Variants in SLC26A5 observed in about 807,000 individuals in gnomAD.
SLC26A5 encodes the protein prestin.
Under a neutral mutation model 81.0 loss-of-function variants are expected in SLC26A5, and 51 were observed. That is an observed-to-expected ratio of 0.63 (90% CI 0.50 to 0.80). The LOEUF (loss-of-function observed/expected upper bound fraction) is 0.80. SLC26A5 is among the 30% of genes least tolerant of loss of function. The probability of loss-of-function intolerance (pLI) is 0.00; values close to 1 mark genes in which losing one functional copy is unlikely to be tolerated. For synonymous variants in SLC26A5, 325 were observed against 332.8 expected (o/e 0.98, Z 0.25); for missense variants, 771 against 905.8 (o/e 0.85, Z 1.91).
intron 19 of SLC26A5, among the ~76,000 whole-genome samples, chr7:103,364,981 A>ATATATATATATATATATATATATTTATT (rs950613120): frequency 1.2e-3 from 171 of 140,676 alleles, no homozygotes; most frequent in African/African-American, 4.3e-3. Context: ...ATATATATAT[A>ATATATATATATATATATATATATTTATT]TATTTAGAGA....
intron 9 of SLC26A5, among the ~76,000 whole-genome samples, chr7:103,396,994 C>G (rs1457175174): frequency 6.6e-6 from 1 of 151,138 alleles, no homozygotes; most frequent in Admixed American, 6.6e-5. Context: ...ACTCAGGAGG[C>G]TCAGGCAGGA....
chr7:103,392,836 C>T (rs1315712225), intron 10 of SLC26A5, 83 bp downstream of exon 10: 15 of 1,573,550 alleles, frequency 9.5e-6, no homozygotes, highest in Admixed American at 3.4e-5. Flanking sequence ...CTTGGCCTCC[C>T]GAAGTGCTGG....
At position 103,355,668 on chromosome 7, in the gene SLC26A5, A is replaced by G. The variant is rs1372101000; in HGVS notation, c.2042-2742T>C. 3.2e-6 allele frequency: 5 copies of G among 1,559,064 alleles called. No homozygotes were observed. The East Asian group carries it at 1.1e-4, about 35-fold the overall frequency. ...ATAGGGTGATGCATTACATTTTAGT[A>G]AATTTTGTCATCTTTCTCTATGTAG... On this transcript the variant is annotated intron_variant, in intron 19 of 19. Coordinates refer to the SLC26A5 transcript ENST00000339444.
chr7:103,371,481 C>T (rs1280440801), downstream of SLC26A5, among the ~76,000 whole-genome samples: 11 of 150,234 alleles, frequency 7.3e-5, no homozygotes, highest in South Asian at 2.1e-4. Flanking sequence ...CCCGCCACTA[C>T]GCCCGGCTAA....
chr7:103,395,666 A>G (rs748601013), intron 9 of SLC26A5, among the ~76,000 whole-genome samples: 49 of 150,914 alleles, frequency 3.2e-4, no homozygotes, highest in Non-Finnish European at 6.1e-4. Flanking sequence ...GATTACAGGC[A>G]CCCGCCACCA....
intron 18 of SLC26A5, 53 bp downstream of exon 18, chr7:103,377,545 TA>T: frequency 6.7e-7 from 1 of 1,493,534 alleles, no homozygotes. Flanking sequence ...ATTATGCTGA[TA>T]GTACGACACC....
intron 2 of SLC26A5, among the ~76,000 whole-genome samples, chr7:103,431,372 G>T (rs1467178535): frequency 6.6e-6 from 1 of 151,482 alleles, no homozygotes; most frequent in Non-Finnish European, 1.5e-5. Context: ...ACCCAGGCTG[G>T]AGTGCAGTGG....
chr7:103,401,417 C>G (rs752326918), intron 8 of SLC26A5, among the ~76,000 whole-genome samples: 13 of 152,100 alleles, frequency 8.5e-5, no homozygotes, highest in Non-Finnish European at 1.3e-4. Context: ...GATTTTGTAT[C>G]CCGATACTTT....
At chr7:103,377,904 G>T in intron 17 of SLC26A5, 105 bp from the exon 18 acceptor site, 1 of 983,790 alleles carries the variant, frequency 1.0e-6, no homozygotes, top group South Asian at 1.3e-5. Flanking sequence ...TTAAGCTACT[G>T]ACTCTACCAG....
At chr7:103,389,186 C>A (rs916635812) in intron 13 of SLC26A5, 72 bp from the exon 14 acceptor site, 1 of 1,194,476 alleles carries the variant, frequency 8.4e-7, no homozygotes, top group African/African-American at 1.5e-5. Flanking sequence ...CACAAGTGTG[C>A]ACACACACAC....
At chr7:103,411,808 T>C (rs1159061238) in intron 5 of SLC26A5, among the ~76,000 whole-genome samples, 1 of 152,240 alleles carries the variant, frequency 6.6e-6, no homozygotes, top group Non-Finnish European at 1.5e-5. Flanking sequence ...ATATCTTCCA[T>C]CCACAGAGTC....
intron 8 of SLC26A5, among the ~76,000 whole-genome samples, chr7:103,405,371 T>C (rs1324293385): frequency 6.6e-6 from 1 of 152,226 alleles, no homozygotes. Flanking sequence ...GGTTTTTATG[T>C]TGACGTCCTT....
intron 8 of SLC26A5, among the ~76,000 whole-genome samples, chr7:103,405,313 C>A (rs1036405897): frequency 6.6e-6 from 1 of 152,144 alleles, no homozygotes; most frequent in African/African-American, 2.4e-5. Context: ...TCCTCATCTT[C>A]ATGGATTTAT....
chr7:103,386,118 A>G (rs1210468984), intron 14 of SLC26A5, among the ~76,000 whole-genome samples: 1 of 151,380 alleles, frequency 6.6e-6, no homozygotes, highest in Admixed American at 6.6e-5. Context: ...TTTAGTAGAG[A>G]CAGGGTTTTA....
intron 6 of SLC26A5, among the ~76,000 whole-genome samples, chr7:103,410,878 C>T (rs1824434623): frequency 6.6e-6 from 1 of 152,154 alleles, no homozygotes; most frequent in Non-Finnish European, 1.5e-5. Flanking sequence ...ATTCGCCTGC[C>T]TCAGCCTCCC....
intron 2 of SLC26A5, among the ~76,000 whole-genome samples, chr7:103,429,772 T>C (rs1364954705): frequency 6.6e-6 from 1 of 152,228 alleles, no homozygotes; most frequent in Non-Finnish European, 1.5e-5. Context: ...GAGCATCAAG[T>C]GCACAGCCTG....
intron 19 of SLC26A5, chr7:103,354,953 T>C (rs1819947901): frequency 1.3e-6 from 2 of 1,583,262 alleles, no homozygotes; most frequent in African/African-American, 1.3e-5. Flanking sequence ...CTCACTGGTA[T>C]GTATTTTTAA....
chr7:103,381,001 A>C (rs374926870), intron 14 of SLC26A5, among the ~76,000 whole-genome samples: 11 of 151,702 alleles, frequency 7.3e-5, no homozygotes, highest in Middle Eastern at 3.4e-3. Context: ...ACATACCCCC[A>C]CACACATGCA....
At chr7:103,365,759 C>T (rs988506120) in intron 19 of SLC26A5, among the ~76,000 whole-genome samples, 1 of 152,078 alleles carries the variant, frequency 6.6e-6, no homozygotes, top group Admixed American at 6.6e-5. Flanking sequence ...GAAACCCCGT[C>T]TCTACTAAAA....
Sources: allele counts gnomAD v4.1 joint callset (sites outside exome capture counted in the v4.1 genomes callset), GRCh38; gene constraint gnomAD v4.1.1; transcripts MANE v1.5; gene names NCBI Gene and HGNC (gene_info 2026-07-23, HGNC 2026-07-21).